NXPE2: variants seen among roughly 807,000 people sequenced by gnomAD.
NXPE2 encodes NXPE family member 2.
NXPE2 carries 34 observed loss-of-function variants against 34.4 expected under a neutral mutation model. The ratio of observed to expected loss-of-function variants is 0.99; its 90% CI spans 0.75 to 1.31. The LOEUF is 1.31. Among genes scored for constraint, NXPE2 ranks in the 40% most tolerant of loss-of-function variants. The pLI is 0.00. For missense variants in NXPE2, 649 were observed against 672.5 expected, an observed-to-expected ratio of 0.97 and a Z score of 0.39; for synonymous variants, 235 against 231.3, an observed-to-expected ratio of 1.02 and a Z score of -0.15.
At chr11:114,759,091 T>TGCGTACACAC in the NXPE2 span, among the ~76,000 whole-genome samples, 2 of 143,608 alleles carry the variant, frequency 1.4e-5, no homozygotes, top group African/African-American at 5.0e-5. Flanking sequence ...TGCGTACACA[T>TGCGTACACAC]GCGCACACAC....
chr11:114,537,636 AACAG>A, the NXPE2 span, among the ~76,000 whole-genome samples: 1 of 152,226 alleles, frequency 6.6e-6, no homozygotes, highest in Admixed American at 6.5e-5. Context: ...ATACACCAGT[AACAG>A]ACAAACAGAG....
the NXPE2 span, among the ~76,000 whole-genome samples, chr11:114,631,884 T>G: frequency 6.6e-6 from 1 of 151,478 alleles, no homozygotes; most frequent in Admixed American, 6.6e-5. Context: ...TGTTACCCAG[T>G]GGATAATAAG....
At chr11:114,639,389 G>A in the NXPE2 span, among the ~76,000 whole-genome samples, 1 of 151,868 alleles carries the variant, frequency 6.6e-6, no homozygotes, top group Non-Finnish European at 1.5e-5. Flanking sequence ...CTTTGATTAG[G>A]AAAGGGAACT....
At chr11:114,706,256 T>A (rs963544832) in intron 5 of NXPE2, 139 bp from the exon 6 acceptor site, 1 of 644,724 alleles carries the variant, frequency 1.6e-6, no homozygotes, top group Non-Finnish European at 2.4e-6. Context: ...GTAATGCACC[T>A]GGTAAAATTA....
the NXPE2 span, among the ~76,000 whole-genome samples, chr11:114,547,957 T>G: frequency 6.6e-6 from 1 of 152,126 alleles, no homozygotes; most frequent in Non-Finnish European, 1.5e-5. Flanking sequence ...TCTGTAAACC[T>G]GAAACTAACC....
the NXPE2 span, among the ~76,000 whole-genome samples, chr11:114,607,285 G>A: frequency 6.7e-6 from 1 of 148,694 alleles, no homozygotes; most frequent in Non-Finnish European, 1.5e-5. Flanking sequence ...ACTGTTGCCT[G>A]GTGGATAGTT....
chr11:114,766,872 G>T, the NXPE2 span, among the ~76,000 whole-genome samples: 2 of 152,002 alleles, frequency 1.3e-5, no homozygotes, highest in Non-Finnish European at 2.9e-5. Context: ...ACATGACTTT[G>T]GTCAGCAGAA....
the NXPE2 span, among the ~76,000 whole-genome samples, chr11:114,610,572 C>T: frequency 1.0e-4 from 11 of 106,540 alleles, no homozygotes; most frequent in African/African-American, 1.5e-4. Context: ...CACTGTTACC[C>T]GGTGGATAAT....
At chr11:114,561,893 A>G in the NXPE2 span, among the ~76,000 whole-genome samples, 1 of 152,102 alleles carries the variant, frequency 6.6e-6, no homozygotes, top group Non-Finnish European at 1.5e-5. Flanking sequence ...TTGAGTTAAC[A>G]TTTTATTTCT....
At chr11:114,561,114 C>T in the NXPE2 span, among the ~76,000 whole-genome samples, 1 of 152,160 alleles carries the variant, frequency 6.6e-6, no homozygotes, top group Non-Finnish European at 1.5e-5. Flanking sequence ...CCTGGATGCC[C>T]AGACCCTGTG....
At chr11:114,588,072 C>T in the NXPE2 span, among the ~76,000 whole-genome samples, 30 of 152,278 alleles carry the variant, frequency 2.0e-4, no homozygotes, top group East Asian at 5.4e-3. Context: ...TCAGCTCTTT[C>T]AGCAGTCATA....
chr11:114,580,790 C>T, the NXPE2 span, among the ~76,000 whole-genome samples: 7 of 152,098 alleles, frequency 4.6e-5, no homozygotes, highest in Admixed American at 3.9e-4. Context: ...ATATTAACAA[C>T]TAGTTTGGCT....
the NXPE2 span, among the ~76,000 whole-genome samples, chr11:114,541,831 C>G: frequency 3.3e-5 from 5 of 152,204 alleles, no homozygotes; most frequent in African/African-American, 1.2e-4. Flanking sequence ...AAGAACCAAA[C>G]AATATCTGAG....
At chr11:114,713,244 G>A in the NXPE2 span, among the ~76,000 whole-genome samples, 13 of 152,108 alleles carry the variant, frequency 8.5e-5, no homozygotes, top group Non-Finnish European at 1.9e-4. Flanking sequence ...CTGAAAAAAT[G>A]GTTAAGAGGA....
At chr11:114,796,828 A>G in the NXPE2 span, among the ~76,000 whole-genome samples, 1 of 152,234 alleles carries the variant, frequency 6.6e-6, no homozygotes, top group Non-Finnish European at 1.5e-5. Context: ...TACCATTGGA[A>G]TTGCTGGAGG....
the NXPE2 span, among the ~76,000 whole-genome samples, chr11:114,601,548 T>TTATAATTATA: frequency 2.1e-5 from 2 of 94,266 alleles, no homozygotes; most frequent in Admixed American, 3.5e-4. Context: ...TATATATTAT[T>TTATAATTATA]TATAATTATA....
rs201200145 is a variant in NXPE2 at position 114,706,837 on chromosome 11, G to A, written c.1587G>A (p.Trp529Ter). ...VDLNVGIIDA[W>*]DMTIAYCTNN... is the part of the protein sequence containing the mutation. ...TTAATGTGGGTATTATTGATGCCTGGGACATGACGATTGCATATTGCACCA... is the reference window on the plus strand; with the variant it reads ...TTAATGTGGGTATTATTGATGCCTGAGACATGACGATTGCATATTGCACCA... The change falls in exon 6 of 6, where the codon TGG (tryptophan) becomes TGA (stop). Residue 529 changes from tryptophan (W) to a stop codon, truncating the protein, a stop_gained. Coordinates refer to ENST00000389586, the MANE Select transcript of NXPE2 (RefSeq NM_182495.6). LOFTEE classifies it low-confidence loss of function (END_TRUNC). 1.1e-3 allele frequency: 1,753 copies of A among 1,551,906 alleles called. 1 individual carries two copies. The highest frequency in any genetic ancestry group is 1.4e-3 in the Non-Finnish European group (1,631 of 1,146,794).
chr11:114,691,378 G>A (rs1199539363), intron 2 of NXPE2, among the ~76,000 whole-genome samples: 1 of 152,078 alleles, frequency 6.6e-6, no homozygotes, highest in African/African-American at 2.4e-5. Context: ...TTACAGATAG[G>A]TTGCGGTGGC....
chr11:114,709,770 C>A (rs1859575251), downstream of NXPE2, among the ~76,000 whole-genome samples: 1 of 151,956 alleles, frequency 6.6e-6, no homozygotes, highest in African/African-American at 2.4e-5. Context: ...GGCATGGGGG[C>A]ACATGTCTGT....
Sources: gnomAD v4.1 joint callset for allele counts (sites outside exome capture counted in the v4.1 genomes callset) on GRCh38, gnomAD v4.1.1 for gene constraint, MANE v1.5 for transcripts, NCBI Gene and HGNC (gene_info 2026-07-23, HGNC 2026-07-21) for gene names.